TRIM48: variants seen among roughly 807,000 people sequenced by gnomAD.
The protein encoded by TRIM48 is E3 ubiquitin-protein ligase TRIM48.
Under a neutral mutation model 29.5 loss-of-function variants are expected in TRIM48, and 31 were observed. That is an observed-to-expected ratio of 1.05 (90% CI 0.79 to 1.42). TRIM48 has a LOEUF of 1.42. Among genes scored for constraint, TRIM48 ranks in the 40% most tolerant of loss-of-function variants. TRIM48 has a pLI of 0.00. For synonymous variants in TRIM48, 128 were observed against 90.6 expected, an observed-to-expected ratio of 1.41 and a Z score of -2.34; for missense variants, 344 against 265.0, an observed-to-expected ratio of 1.30 and a Z score of -2.07.
rs1857467772 is a variant in TRIM48, at chr11:55,270,544, G to A, written c.*109G>A. 5 of 1,582,788 alleles carry A rather than the reference G, an allele frequency of 3.2e-6. No individual in the cohort carries two copies. In the South Asian group the frequency reaches 3.6e-5, roughly 11 times the overall value. ...CCGTCAAAATCCGCCCCATATCACT[G>A]CAACACCTACAAGTTTTCTTGCATG... On this transcript the variant is annotated 3_prime_UTR_variant, in exon 6 of 6. Transcript: ENST00000417545.
chr11:55,270,897 ACTT>A lies in TRIM48; in HGVS notation c.*464_*466del. 1 of 1,558,742 alleles carries A rather than the reference ACTT, an allele frequency of 6.4e-7. No homozygotes were observed. On this transcript the variant is annotated 3_prime_UTR_variant, in exon 6 of 6. Transcript: ENST00000417545. ...ACACCATCCCTAATTGCTCCTTCTC[ACTT>A]CCTCTCAGACCTATCTTTTTCTGTA...
chr11:55,271,090 A>G lies in TRIM48; in HGVS notation c.*655A>G, dbSNP rs1170311279. The G allele has an allele frequency of 9.4e-7, 1 of 1,059,154 alleles. No homozygotes were observed. Among genetic ancestry groups the G allele is most frequent in the Non-Finnish European group, 1.3e-6 (1 of 769,672 alleles). The allele number at this position is 1,059,154 out of a possible 1,614,324, so 65.6% of individuals were successfully genotyped here. On this transcript the variant is annotated 3_prime_UTR_variant, in exon 6 of 6. Transcript: ENST00000417545. ...ATTAAAACTCATTTATTGTGTTACT[A>G]TTAAATGTAGTAAAAACACTAAAAG...
intron 2 of TRIM48, 126 bp from the exon 3 acceptor site, chr11:55,265,474 T>G (rs1857378358): frequency 6.8e-7 from 1 of 1,481,122 alleles, no homozygotes; most frequent in African/African-American, 1.4e-5. Flanking sequence ...GAGGAAGAAG[T>G]GAAACAGAAG....
intron 1 of TRIM48, among the ~76,000 whole-genome samples, chr11:55,263,188 T>C (rs1353998459): frequency 6.6e-6 from 1 of 152,164 alleles, no homozygotes; most frequent in African/African-American, 2.4e-5. Flanking sequence ...TGTATTTAAA[T>C]GTTTACATAC....
intron 3 of TRIM48, among the ~76,000 whole-genome samples, chr11:55,266,942 C>T (rs560680632): frequency 3.4e-5 from 5 of 147,784 alleles, no homozygotes; most frequent in African/African-American, 1.2e-4. Flanking sequence ...ATCATAAATG[C>T]AGCTTTATTA....
intron 3 of TRIM48, among the ~76,000 whole-genome samples, chr11:55,267,806 C>T (rs1857416326): frequency 6.8e-6 from 1 of 147,784 alleles, no homozygotes; most frequent in Non-Finnish European, 1.5e-5. Context: ...CCAAGGGATC[C>T]TACCAGGCCA....
At chr11:55,262,337 T>G in intron 1 of TRIM48, 26 bp downstream of exon 1, 2 of 1,485,078 alleles carry the variant, frequency 1.3e-6, no homozygotes, top group Non-Finnish European at 1.8e-6. Context: ...ATTGATAAAA[T>G]TATATCTTCT....
chr11:55,262,557 A>G (rs1490827516), intron 1 of TRIM48, among the ~76,000 whole-genome samples: 1 of 152,164 alleles, frequency 6.6e-6, no homozygotes, highest in Admixed American at 6.6e-5. Flanking sequence ...ATGTATGCAT[A>G]ATGAATATAT....
At chr11:55,265,422 T>C (rs1857377798) in intron 2 of TRIM48, 108 bp downstream of exon 2, 2 of 1,525,172 alleles carry the variant, frequency 1.3e-6, no homozygotes, top group East Asian at 2.6e-5. Flanking sequence ...TTTAAGCAAC[T>C]CTCTTTTGGG....
chr11:55,265,171 G>A lies in TRIM48; in HGVS notation c.316G>A (p.Glu106Lys), dbSNP rs267602957. 5.1e-6 allele frequency: 8 copies of A among 1,582,802 alleles called. 2 individuals are homozygous for A. The Admixed American group carries it at 1.4e-4, about 27-fold the overall frequency. ...TCTCTGGCTATTCCTGAGCTCTGAG[G>A]AGCAAATGTGTGGCATTCACAGGGA... is the stretch of plus-strand genomic sequence containing the variant. Reference protein sequence around the residue: ...ASLWLFLSSEEQMCGIHRETK... With the variant: ...ASLWLFLSSEKQMCGIHRETK... The change falls in exon 2 of 6, where the codon GAG becomes AAG. Residue 106 changes from glutamate (E) to lysine (K), a missense_variant. Physicochemically the swap from Glu to Lys is moderately conservative, Grantham distance 56 (BLOSUM62 1). Coordinates refer to ENST00000417545, the MANE Select transcript of TRIM48 (RefSeq NM_024114.5).
In TRIM48 at chr11:55,265,204, A is replaced by G. The variant is rs1209046243; in HGVS notation, c.349A>G (p.Lys117Glu). 26 of 1,582,626 alleles carry G rather than the reference A, an allele frequency of 1.6e-5. 1 individual carries two copies. The highest frequency in any genetic ancestry group is 2.2e-5 in the Non-Finnish European group (26 of 1,166,208). The change falls in exon 2 of 6, where the codon AAG becomes GAG. Residue 117 changes from lysine (K) to glutamate (E), a missense_variant. Physicochemically the swap from Lys to Glu is moderately conservative, Grantham distance 56 (BLOSUM62 1). Coordinates refer to ENST00000417545, the MANE Select transcript of TRIM48 (RefSeq NM_024114.5). ...QMCGIHRETK[K>E]MFCEVDRSLL... Reference sequence around the variant, plus strand: ...GTGTGGCATTCACAGGGAGACAAAGAAGATGTTCTGTGAAGTGGACAGGAG... The same window carrying G: ...GTGTGGCATTCACAGGGAGACAAAGGAGATGTTCTGTGAAGTGGACAGGAG...
intron 1 of TRIM48, among the ~76,000 whole-genome samples, chr11:55,263,217 T>C (rs943139724): frequency 3.9e-5 from 6 of 152,168 alleles, no homozygotes; most frequent in African/African-American, 1.4e-4. Flanking sequence ...TACCACTGTG[T>C]TACAATTGCC....
At chr11:55,269,662 A>G (rs1160313419) in intron 5 of TRIM48, among the ~76,000 whole-genome samples, 1 of 147,574 alleles carries the variant, frequency 6.8e-6, no homozygotes, top group Non-Finnish European at 1.5e-5. Context: ...GTTAAATACA[A>G]AATTTTACAT....
rs1476016216 is a variant in TRIM48, at chr11:55,269,358, G to A, written c.*1+19G>A. On this transcript the variant is annotated intron_variant, in intron 5 of 5. Transcript: ENST00000417545. ...TTCTGAGGTAAGTCTCCACCCACAG[G>A]CAGCACCCCCACTATCTAAATATTA... 4 of 1,569,596 alleles carry A rather than the reference G, an allele frequency of 2.5e-6. 1 individual carries two copies. The highest frequency in any genetic ancestry group is 2.4e-5 in the South Asian group (2 of 83,468).
chr11:55,268,786 G>C (rs920468030), intron 4 of TRIM48, among the ~76,000 whole-genome samples: 1 of 147,750 alleles, frequency 6.8e-6, no homozygotes, highest in African/African-American at 2.5e-5. Context: ...ACTATGGAGT[G>C]TTAGAACTGT....
intron 4 of TRIM48, 82 bp from the exon 5 acceptor site, chr11:55,269,160 A>T: frequency 6.7e-7 from 1 of 1,493,472 alleles, no homozygotes; most frequent in Non-Finnish European, 9.0e-7. Flanking sequence ...AAGGATTCTC[A>T]TGAAATGTCT....
At position 55,265,829 on chromosome 11, in the gene TRIM48, A is replaced by C. The variant is rs1197609317; in HGVS notation, c.555+134A>C. The C allele has an allele frequency of 3.2e-5, 37 of 1,144,296 alleles. 1 individual carries two copies. The highest frequency in any genetic ancestry group is 4.4e-5 in the Non-Finnish European group (37 of 834,672). 70.9% of individuals were successfully genotyped at this position (1,144,296 alleles called of 1,614,324 possible). A position where few individuals can be genotyped will look rare whatever the true frequency, so the allele number is the denominator to read the frequency against. On this transcript the variant is annotated intron_variant, in intron 3 of 5. Transcript: ENST00000417545. ...AAAAAAAAAAGAGAAGAAAACATTGAGAAAAAATGGTCTCATTTCTTATGT... is the reference window on the plus strand; with the variant it reads ...AAAAAAAAAAGAGAAGAAAACATTGCGAAAAAATGGTCTCATTTCTTATGT...
intron 1 of TRIM48, among the ~76,000 whole-genome samples, chr11:55,263,179 G>A (rs1405184355): frequency 6.6e-6 from 1 of 151,996 alleles, no homozygotes; most frequent in Non-Finnish European, 1.5e-5. Context: ...CACCTTTTCT[G>A]TATTTAAATG....
rs774235368 is a variant in TRIM48, at chr11:55,268,382, T to C, written c.578+10T>C. On this transcript the variant is annotated intron_variant, in intron 4 of 5. Coordinates refer to ENST00000417545, the MANE Select transcript of TRIM48 (RefSeq NM_024114.5). ...GAGACATATTATACAGGTGAGTATG[T>C]ACCTGGATTTTAGCATATGTTCTTT... The C allele has an allele frequency of 1.3e-6, 2 of 1,551,046 alleles. No homozygotes were observed. The highest frequency in any genetic ancestry group is 8.8e-7 in the Non-Finnish European group (1 of 1,141,182).
Sources: gnomAD v4.1 joint callset for allele counts (sites outside exome capture counted in the v4.1 genomes callset) on GRCh38, gnomAD v4.1.1 for gene constraint, MANE v1.5 for transcripts, NCBI Gene and HGNC (gene_info 2026-07-23, HGNC 2026-07-21) for gene names.